The following ATL1 variants were observed in gnomAD, a reference collection of about 807,000 sequenced individuals.
ATL1 encodes the protein atlastin GTPase 1, also known as atlastin-1.
ATL1 carries 31 observed loss-of-function variants against 75.5 expected under a neutral mutation model. The ratio of observed to expected loss-of-function variants is 0.41; its 90% confidence interval spans 0.31 to 0.55. The LOEUF (loss-of-function observed/expected upper bound fraction) is 0.55, where lower values mean the gene tolerates loss of function less well. Ranked by LOEUF, ATL1 falls within the 20% of genes least tolerant of loss-of-function variation. ATL1 has a pLI of 0.27. For missense variants in ATL1, 405 were observed against 662.6 expected, an observed-to-expected ratio of 0.61 and a Z score of 4.27; for synonymous variants, 226 against 233.3, an observed-to-expected ratio of 0.97 and a Z score of 0.28.
chr14:50,562,604 T>C (rs1391676285), intron 1 of ATL1, among the ~76,000 whole-genome samples: 1 of 152,160 alleles, frequency 6.6e-6, no homozygotes, highest in Non-Finnish European at 1.5e-5. Context: ...TAGAAACATC[T>C]CAGATAGTTT....
chr14:50,565,074 G>A (rs535308108), intron 1 of ATL1, among the ~76,000 whole-genome samples: 12 of 152,148 alleles, frequency 7.9e-5, no homozygotes, highest in Admixed American at 7.2e-4. Flanking sequence ...ATCACCTGAG[G>A]TCAGGAGTTC....
chr14:50,544,388 C>T (rs899928689), intron 1 of ATL1, among the ~76,000 whole-genome samples: 34 of 152,336 alleles, frequency 2.2e-4, no homozygotes, highest in African/African-American at 5.3e-4. Context: ...GACACTCCCC[C>T]GTCTTAGGGA....
intron 1 of ATL1, among the ~76,000 whole-genome samples, chr14:50,539,347 G>C (rs2038533254): frequency 6.6e-6 from 1 of 152,216 alleles, no homozygotes; most frequent in Non-Finnish European, 1.5e-5. Context: ...GACTGCTTCT[G>C]TGAGAGTACA....
chr14:50,625,487 T>C (rs2039509429), intron 11 of ATL1, among the ~76,000 whole-genome samples: 1 of 152,184 alleles, frequency 6.6e-6, no homozygotes, highest in Non-Finnish European at 1.5e-5. Context: ...GAAGATGCCA[T>C]CCAGGACTTT....
At chr14:50,548,738 C>T (rs200600079) in intron 1 of ATL1, among the ~76,000 whole-genome samples, 2 of 152,056 alleles carry the variant, frequency 1.3e-5, no homozygotes, top group African/African-American at 4.8e-5. Context: ...TCTCGATCTC[C>T]TGACCTTGTG....
At chr14:50,629,389 C>G (rs573458239) in intron 12 of ATL1, among the ~76,000 whole-genome samples, 1 of 152,170 alleles carries the variant, frequency 6.6e-6, no homozygotes, top group Non-Finnish European at 1.5e-5. Context: ...TGAGACCAGC[C>G]TGGCCAACAT....
At chr14:50,545,706 C>T (rs935172306) in intron 1 of ATL1, among the ~76,000 whole-genome samples, 3 of 152,164 alleles carry the variant, frequency 2.0e-5, no homozygotes, top group Admixed American at 6.5e-5. Flanking sequence ...GTATCCATGT[C>T]GGCCCTGGTT....
chr14:50,552,383 A>T (rs1018635551), intron 1 of ATL1, among the ~76,000 whole-genome samples: 9 of 152,242 alleles, frequency 5.9e-5, no homozygotes, highest in African/African-American at 2.2e-4. Context: ...AAACAAATGG[A>T]AACACATCCC....
chr14:50,546,943 C>T (rs186027572), intron 1 of ATL1, among the ~76,000 whole-genome samples: 4 of 152,006 alleles, frequency 2.6e-5, no homozygotes, highest in Non-Finnish European at 4.4e-5. Flanking sequence ...ACCCATATAC[C>T]CGTCATCTAC....
chr14:50,598,564 T>C (rs1285883904), intron 6 of ATL1, among the ~76,000 whole-genome samples: 1 of 152,104 alleles, frequency 6.6e-6, no homozygotes, highest in Non-Finnish European at 1.5e-5. Context: ...GGTTTCACCA[T>C]GTTAGCCAGG....
intron 11 of ATL1, among the ~76,000 whole-genome samples, chr14:50,626,558 T>C (rs527826717): frequency 3.0e-4 from 46 of 152,338 alleles, no homozygotes; most frequent in Middle Eastern, 6.8e-3. Flanking sequence ...TTTCTGGAGA[T>C]GGAATCTACT....
chr14:50,560,532 T>C (rs569012040), intron 1 of ATL1: 1 of 575,200 alleles, frequency 1.7e-6, no homozygotes, highest in East Asian at 3.0e-5. Context: ...AGGCCGGGCC[T>C]CCAGCTCCTT....
At chr14:50,567,938 A>G (rs1163652891) in intron 1 of ATL1, among the ~76,000 whole-genome samples, 2 of 152,232 alleles carry the variant, frequency 1.3e-5, no homozygotes, top group African/African-American at 4.8e-5. Flanking sequence ...CAGGTACACA[A>G]GAGAAAAATG....
intron 5 of ATL1, 54 bp from the exon 6 acceptor site, chr14:50,595,518 TTCTC>T (rs3834518): frequency 0.12 from 141,841 of 1,192,754 alleles, no homozygotes; most frequent in Admixed American, 0.14. Context: ...GGTGCTAAAG[TTCTC>T]TCTCTCTCTC....
At chr14:50,591,179 G>A (rs2039154664) in intron 3 of ATL1, 104 bp downstream of exon 3, 7 of 1,205,194 alleles carry the variant, frequency 5.8e-6, no homozygotes, top group African/African-American at 1.5e-5. Flanking sequence ...TTGACCATTT[G>A]ACATGAAGCT....
chr14:50,588,471 A>G (rs2039123416), intron 2 of ATL1, among the ~76,000 whole-genome samples: 1 of 152,250 alleles, frequency 6.6e-6, no homozygotes, highest in African/African-American at 2.4e-5. Context: ...TTTATACTAA[A>G]CATCTTGGTA....
chr14:50,623,335 G>T, intron 11 of ATL1, 87 bp downstream of exon 11: 1 of 1,027,272 alleles, frequency 9.7e-7, no homozygotes, highest in Non-Finnish European at 1.5e-6. Context: ...ATGTTACACT[G>T]TACACACATG....
intron 8 of ATL1, among the ~76,000 whole-genome samples, chr14:50,620,126 T>G (rs1348383172): frequency 1.3e-5 from 2 of 151,996 alleles, no homozygotes; most frequent in Non-Finnish European, 2.9e-5. Context: ...GGCATAGTGG[T>G]GTGTGCCTGT....
intron 1 of ATL1, among the ~76,000 whole-genome samples, chr14:50,564,375 C>T (rs888699320): frequency 6.6e-6 from 1 of 151,826 alleles, no homozygotes; most frequent in Non-Finnish European, 1.5e-5. Flanking sequence ...CTAGGCTGGG[C>T]GTGGTGGCTC....
Sources: gnomAD v4.1 joint callset for allele counts (sites outside exome capture counted in the v4.1 genomes callset) on GRCh38, gnomAD v4.1.1 for gene constraint, MANE v1.5 for transcripts, NCBI Gene and HGNC (gene_info 2026-07-23, HGNC 2026-07-21) for gene names.